TNFSF4: variants seen among roughly 807,000 people sequenced by gnomAD.
TNFSF4 encodes the protein tumor necrosis factor ligand superfamily member 4.
A neutral mutation model predicts 7.3 loss-of-function variants in TNFSF4; 4 were observed. That is an observed-to-expected ratio of 0.55 (90% CI 0.27 to 1.25). The LOEUF is 1.25. Ranked by LOEUF, TNFSF4 falls within the 50% of genes most tolerant of loss-of-function variation. The pLI is 0.12. For synonymous variants in TNFSF4, 76 were observed against 83.7 expected (o/e 0.91, Z 0.50); for missense variants, 181 against 208.8 (o/e 0.87, Z 0.82).
the TNFSF4 span, among the ~76,000 whole-genome samples, chr1:173,310,101 T>C: frequency 5.9e-5 from 9 of 152,016 alleles, no homozygotes; most frequent in East Asian, 1.7e-3. Context: ...TTATTAATCA[T>C]AAAAACATCT....
chr1:173,176,924 A>G, the TNFSF4 span, among the ~76,000 whole-genome samples: 65,139 of 151,994 alleles, frequency 0.43, 17,027 homozygotes, highest in African/African-American at 0.74. Flanking sequence ...TAAACAACAA[A>G]AACATGTGGA....
chr1:173,343,332 A>G, the TNFSF4 span, among the ~76,000 whole-genome samples: 1 of 152,214 alleles, frequency 6.6e-6, no homozygotes, highest in Non-Finnish European at 1.5e-5. Flanking sequence ...TCAAAAGGTG[A>G]CATGCAAGTC....
the TNFSF4 span, among the ~76,000 whole-genome samples, chr1:173,237,603 T>C: frequency 6.6e-6 from 1 of 152,170 alleles, no homozygotes; most frequent in East Asian, 1.9e-4. Context: ...AGCATTCTTA[T>C]ACACTAATAG....
chr1:173,313,614 GTTT>G, the TNFSF4 span, among the ~76,000 whole-genome samples: 106 of 152,082 alleles, frequency 7.0e-4, no homozygotes, highest in Non-Finnish European at 1.0e-3. Flanking sequence ...TTTTCTCTCG[GTTT>G]TTCTTCTTTT....
chr1:173,416,776 T>C, the TNFSF4 span, among the ~76,000 whole-genome samples: 2 of 151,968 alleles, frequency 1.3e-5, no homozygotes, highest in Admixed American at 6.6e-5. Context: ...TTTGTATTTT[T>C]AGTAGAGACA....
the TNFSF4 span, among the ~76,000 whole-genome samples, chr1:173,441,581 G>A: frequency 6.6e-6 from 1 of 152,152 alleles, no homozygotes; most frequent in African/African-American, 2.4e-5. Flanking sequence ...CCAAGATTGA[G>A]CCACTGCACT....
the TNFSF4 span, among the ~76,000 whole-genome samples, chr1:173,312,423 T>C: frequency 6.6e-6 from 1 of 152,224 alleles, no homozygotes; most frequent in African/African-American, 2.4e-5. Context: ...CTTTTTTTAA[T>C]TTCTTGTCTC....
the TNFSF4 span, chr1:173,351,951 C>A: frequency 1.9e-6 from 1 of 529,556 alleles, no homozygotes; most frequent in Non-Finnish European, 3.5e-6. Context: ...CAAATCTCAC[C>A]AGGCAGGAAA....
the TNFSF4 span, among the ~76,000 whole-genome samples, chr1:173,288,189 T>C: frequency 3.3e-5 from 5 of 152,190 alleles, no homozygotes; most frequent in Non-Finnish European, 5.9e-5. Flanking sequence ...CTTGCACCTG[T>C]AATCCCAAAT....
At chr1:173,442,730 T>G in the TNFSF4 span, among the ~76,000 whole-genome samples, 20 of 151,888 alleles carry the variant, frequency 1.3e-4, no homozygotes, top group Non-Finnish European at 1.6e-4. Flanking sequence ...TTTGTATTTT[T>G]AGTACAGACG....
intron 1 of TNFSF4, among the ~76,000 whole-genome samples, chr1:173,188,861 C>T (rs949841791): frequency 6.6e-6 from 1 of 152,048 alleles, no homozygotes; most frequent in Non-Finnish European, 1.5e-5. Context: ...TATAGGCACG[C>T]ACCACCACAC....
At chr1:173,278,961 A>G in the TNFSF4 span, among the ~76,000 whole-genome samples, 1 of 152,142 alleles carries the variant, frequency 6.6e-6, no homozygotes, top group African/African-American at 2.4e-5. Flanking sequence ...CCAAACATGT[A>G]AAATTTAAAA....
intron 1 of TNFSF4, among the ~76,000 whole-genome samples, chr1:173,193,729 AG>A (rs1265309974): frequency 2.7e-5 from 4 of 149,534 alleles, no homozygotes; most frequent in African/African-American, 9.9e-5. Flanking sequence ...CCCACACTCC[AG>A]GCTTCCCTCT....
intron 1 of TNFSF4, among the ~76,000 whole-genome samples, chr1:173,190,115 T>C (rs575383917): frequency 1.5e-4 from 23 of 150,610 alleles, no homozygotes; most frequent in Non-Finnish European, 2.2e-4. Flanking sequence ...TCTTGGGAGG[T>C]TGAGGCAGGA....
the TNFSF4 span, among the ~76,000 whole-genome samples, chr1:173,251,285 T>C: frequency 6.6e-6 from 1 of 152,248 alleles, no homozygotes; most frequent in African/African-American, 2.4e-5. Context: ...CTGCAGGTTC[T>C]GTACAGGCAT....
the TNFSF4 span, among the ~76,000 whole-genome samples, chr1:173,384,847 GCTA>G: frequency 6.6e-6 from 1 of 151,984 alleles, no homozygotes; most frequent in African/African-American, 2.4e-5. Context: ...ATATTTATGT[GCTA>G]CTACTTACCT....
the TNFSF4 span, among the ~76,000 whole-genome samples, chr1:173,420,798 C>G: frequency 2.0e-5 from 3 of 152,192 alleles, no homozygotes; most frequent in Non-Finnish European, 4.4e-5. Context: ...TTCTCTTCCT[C>G]AAATTATTAC....
At chr1:173,330,289 AT>A in the TNFSF4 span, among the ~76,000 whole-genome samples, 1 of 89,168 alleles carries the variant, frequency 1.1e-5, no homozygotes, top group East Asian at 5.1e-4. Context: ...TCACATCACA[AT>A]TTTAATACTA....
chr1:173,382,189 A>G, the TNFSF4 span, among the ~76,000 whole-genome samples: 1 of 152,186 alleles, frequency 6.6e-6, no homozygotes, highest in Non-Finnish European at 1.5e-5. Flanking sequence ...CAGCAAGACC[A>G]CAAACCCACC....
Sources: gnomAD v4.1 joint callset for allele counts (sites outside exome capture counted in the v4.1 genomes callset) on GRCh38, gnomAD v4.1.1 for gene constraint, MANE v1.5 for transcripts, NCBI Gene and HGNC (gene_info 2026-07-23, HGNC 2026-07-21) for gene names.